The following GRIP1 variants were observed in gnomAD, a reference collection of about 807,000 sequenced individuals.
GRIP1 encodes the protein glutamate receptor-interacting protein 1.
Under a neutral mutation model 129.9 loss-of-function variants are expected in GRIP1, and 45 were observed. The observed-to-expected ratio is 0.35, with a 90% CI of 0.27 to 0.44. GRIP1 has a LOEUF of 0.44. GRIP1 is among the 20% of genes least tolerant of loss of function. The pLI is 1.00. For missense variants in GRIP1, 1,196 were observed against 1,396.8 expected, an observed-to-expected ratio of 0.86 and a Z score of 2.29; for synonymous variants, 530 against 520.8, an observed-to-expected ratio of 1.02 and a Z score of -0.24.
intron 1 of GRIP1, among the ~76,000 whole-genome samples, chr12:66,949,285 C>A (rs908052720): frequency 1.3e-5 from 2 of 152,094 alleles, no homozygotes; most frequent in African/African-American, 2.4e-5. Context: ...AACCTAGTTG[C>A]ACCTGATTCC....
At chr12:66,889,906 G>A (rs1457475871) in intron 1 of GRIP1, among the ~76,000 whole-genome samples, 2 of 151,964 alleles carry the variant, frequency 1.3e-5, no homozygotes, top group African/African-American at 4.8e-5. Context: ...GAGGTAAACG[G>A]AGGCTCAGCT....
At chr12:66,874,147 A>G (rs1170836984) in intron 1 of GRIP1, among the ~76,000 whole-genome samples, 1 of 152,112 alleles carries the variant, frequency 6.6e-6, no homozygotes, top group Non-Finnish European at 1.5e-5. Flanking sequence ...CAAAAGTAAG[A>G]CCTGAGAGCT....
At chr12:66,850,667 C>A (rs1174848864) in intron 1 of GRIP1, among the ~76,000 whole-genome samples, 1 of 151,976 alleles carries the variant, frequency 6.6e-6, no homozygotes, top group Non-Finnish European at 1.5e-5. Flanking sequence ...CTACAAGGGG[C>A]ACTACAGTTG....
At chr12:66,973,844 G>A (rs183958579) in intron 1 of GRIP1, among the ~76,000 whole-genome samples, 2 of 150,976 alleles carry the variant, frequency 1.3e-5, no homozygotes, top group African/African-American at 4.9e-5. Flanking sequence ...TATATAAGAA[G>A]ACCCTTCAGC....
chr12:66,498,425 G>A (rs1283384814), intron 7 of GRIP1, among the ~76,000 whole-genome samples: 4 of 152,218 alleles, frequency 2.6e-5, no homozygotes, highest in African/African-American at 7.2e-5. Context: ...TGGTTAAATT[G>A]CTGTTAAGCA....
At chr12:66,364,986 T>A (rs2055047661) in intron 23 of GRIP1, among the ~76,000 whole-genome samples, 1 of 152,142 alleles carries the variant, frequency 6.6e-6, no homozygotes, top group South Asian at 2.1e-4. Flanking sequence ...GACTGAGACT[T>A]GTCTCAGTCA....
chr12:67,011,995 T>G (rs938283830), intron 1 of GRIP1, among the ~76,000 whole-genome samples: 1 of 152,188 alleles, frequency 6.6e-6, no homozygotes, highest in Non-Finnish European at 1.5e-5. Context: ...ATCTCTGTAC[T>G]AGACTCTAAG....
intron 1 of GRIP1, among the ~76,000 whole-genome samples, chr12:66,669,590 G>GGTTTCAT (rs2033975580): frequency 6.6e-6 from 1 of 152,146 alleles, no homozygotes; most frequent in Non-Finnish European, 1.5e-5. Flanking sequence ...AAAGCATAAT[G>GGTTTCAT]AAAGCCATCT....
intron 1 of GRIP1, among the ~76,000 whole-genome samples, chr12:66,854,144 G>A (rs1199754894): frequency 2.6e-5 from 4 of 151,992 alleles, no homozygotes; most frequent in African/African-American, 9.7e-5. Context: ...GTGCAATCTT[G>A]GGAGGGGACA....
At chr12:66,557,946 TAAAAG>T (rs146828296) in intron 2 of GRIP1, among the ~76,000 whole-genome samples, 3,044 of 152,040 alleles carry the variant, frequency 0.02, 62 homozygotes, top group Non-Finnish European at 0.029. Flanking sequence ...ATTAGTAGCA[TAAAAG>T]AAAAGAGCAG....
intron 1 of GRIP1, among the ~76,000 whole-genome samples, chr12:66,912,413 T>C (rs1281469593): frequency 6.6e-6 from 1 of 152,162 alleles, no homozygotes; most frequent in Non-Finnish European, 1.5e-5. Context: ...AAAAAATGTA[T>C]AGATATTACT....
At position 66,608,393 on chromosome 12, in the gene GRIP1, T is replaced by C. The variant is rs374701786; in HGVS notation, c.56-11466A>G. On this transcript the variant is annotated intron_variant, in intron 1 of 24. Transcript: ENST00000359742. ...TGTCACCCAGGCTGGAGTGCAGTGG[T>C]GTGATCTTGACTCACTGCAACCTCC... Among the ~76,000 whole-genome samples, 40 of 152,262 alleles carry C rather than the reference T, an allele frequency of 2.6e-4. 1 individual carries two copies. The highest frequency in any genetic ancestry group is 8.9e-4 in the African/African-American group (37 of 41,550).
chr12:66,912,717 T>G (rs937402611), intron 1 of GRIP1, among the ~76,000 whole-genome samples: 1 of 152,134 alleles, frequency 6.6e-6, no homozygotes, highest in Non-Finnish European at 1.5e-5. Context: ...TTCAATAAAA[T>G]TTAAGAAAAT....
intron 5 of GRIP1, among the ~76,000 whole-genome samples, chr12:66,521,871 G>A (rs1465038687): frequency 1.3e-5 from 2 of 152,240 alleles, no homozygotes; most frequent in Non-Finnish European, 2.9e-5. Context: ...ACCTGGCTTG[G>A]AGGGTCCTAC....
At chr12:66,685,465 T>C (rs2034746486) in intron 1 of GRIP1, among the ~76,000 whole-genome samples, 1 of 152,116 alleles carries the variant, frequency 6.6e-6, no homozygotes, top group Non-Finnish European at 1.5e-5. Context: ...TAAAGAAAAG[T>C]GGAAACCCAA....
intron 1 of GRIP1, among the ~76,000 whole-genome samples, chr12:66,846,280 C>T (rs57908585): frequency 0.021 from 3,139 of 152,258 alleles, 105 homozygotes; most frequent in African/African-American, 0.07. Context: ...CTCAAAGTCA[C>T]CCTAATGTCA....
chr12:66,990,917 C>T (rs566103090), intron 1 of GRIP1, among the ~76,000 whole-genome samples: 3 of 149,856 alleles, frequency 2.0e-5, no homozygotes, highest in African/African-American at 7.4e-5. Context: ...GCAGAGGTCG[C>T]GGTGAGCCGA....
chr12:67,057,971 A>T (rs1470500907), intron 1 of GRIP1, among the ~76,000 whole-genome samples: 1 of 152,242 alleles, frequency 6.6e-6, no homozygotes, highest in African/African-American at 2.4e-5. Flanking sequence ...TTTTAAATCA[A>T]CAATCCTGAC....
chr12:66,543,037 A>G (rs1040806017), intron 2 of GRIP1, among the ~76,000 whole-genome samples: 3 of 152,236 alleles, frequency 2.0e-5, no homozygotes, highest in African/African-American at 7.2e-5. Flanking sequence ...ATAAATGTGT[A>G]TCATAAAGGT....
Sources: gnomAD v4.1 joint callset for allele counts (sites outside exome capture counted in the v4.1 genomes callset) on GRCh38, gnomAD v4.1.1 for gene constraint, MANE v1.5 for transcripts, NCBI Gene and HGNC (gene_info 2026-07-23, HGNC 2026-07-21) for gene names.